Variants in GASK1A observed in about 807,000 individuals in gnomAD.
GASK1A encodes golgi associated kinase 1A, also known as Golgi-associated kinase 1A.
A neutral mutation model predicts 41.2 loss-of-function variants in GASK1A; 40 were observed. The ratio of observed to expected loss-of-function variants is 0.97; its 90% CI spans 0.75 to 1.27. GASK1A has a LOEUF of 1.27. GASK1A is among the 50% of genes most tolerant of loss of function. The pLI is 0.00. For synonymous variants in GASK1A, 316 were observed against 307.1 expected (o/e 1.03, Z -0.30); for missense variants, 678 against 745.1 (o/e 0.91, Z 1.05).
In GASK1A at chr3:43,033,349, C is replaced by G; in HGVS notation, c.1086C>G (p.Asp362Glu). ...HSPLLPYRYT[D>E]GGARPVIWWA... ...CCCTCCTGCCCTACCGATACACAGA[C>G]GGTGGAGCAAGGCCTGTCATCTGGT... is the stretch of plus-strand genomic sequence containing the variant. The change falls in exon 2 of 5, where the codon GAC becomes GAG. Residue 362 changes from aspartate to glutamate, a missense_variant. Asp to Glu is a conservative substitution (Grantham distance 45). Transcript: ENST00000430121. The G allele has an allele frequency of 6.4e-7, 1 of 1,551,336 alleles. No individual in the cohort carries two copies. Among genetic ancestry groups the G allele is most frequent in the South Asian group, 1.2e-5 (1 of 84,040 alleles).
At chr3:43,047,014 A>C (rs2089667183) in intron 2 of GASK1A, among the ~76,000 whole-genome samples, 1 of 152,250 alleles carries the variant, frequency 6.6e-6, no homozygotes, top group Non-Finnish European at 1.5e-5. Flanking sequence ...AAGTCTGCTG[A>C]AGGGGTGGAA....
At chr3:42,979,695 G>T (rs1057026525) in intron 1 of GASK1A, 50 bp downstream of exon 1, 1 of 1,245,320 alleles carries the variant, frequency 8.0e-7, no homozygotes, top group Non-Finnish European at 1.0e-6. Context: ...GCGATCACCA[G>T]GACAGGTGGC....
rs184458459 is a variant in GASK1A, at chr3:43,034,753, C to T, written c.1290+1200C>T. Among the ~76,000 whole-genome samples the T allele has an allele frequency of 1.4e-3, 212 of 152,272 alleles. 2 individuals carry two copies. The highest frequency in any genetic ancestry group is 4.4e-4 in the Non-Finnish European group (30 of 68,012). On this transcript the variant is annotated intron_variant, in intron 2 of 4. Coordinates refer to ENST00000430121, the MANE Select transcript of GASK1A (RefSeq NM_001129908.3). ...GAGATTTACCATAAAAACCCAGCTT[C>T]CCTTGAAAAATTGGATGGTTTAGTA... is the stretch of plus-strand genomic sequence containing the variant.
chr3:43,016,353 A>T (rs963810154), intron 1 of GASK1A, among the ~76,000 whole-genome samples: 12 of 152,090 alleles, frequency 7.9e-5, no homozygotes, highest in Admixed American at 4.6e-4. Context: ...AGCCACAGGC[A>T]GAGGCAGTGT....
Position 43,033,122 on chromosome 3 carries a change from G to A in GASK1A, c.859G>A (p.Gly287Arg), listed in dbSNP as rs1310308061. The A allele has an allele frequency of 1.9e-6, 3 of 1,551,120 alleles. No individual in the cohort carries two copies. In the Admixed American group the frequency reaches 5.9e-5, roughly 30 times the overall value. ...GGACAAAGCCAGGGTCCCCGCCCAT[G>A]GGCAGGTGCTACAGGTTGGCTTCTC... ...VVDKARVPAH[G>R]QVLQVGFSTE... Residue 287 changes from glycine to arginine, a missense_variant, in exon 2 of 5, where the codon GGG becomes AGG. Coordinates refer to ENST00000430121, the MANE Select transcript of GASK1A (RefSeq NM_001129908.3).
intron 1 of GASK1A, among the ~76,000 whole-genome samples, chr3:42,996,212 C>G (rs907527650): frequency 3.9e-5 from 6 of 152,228 alleles, no homozygotes; most frequent in African/African-American, 1.4e-4. Context: ...GAGTTGATCC[C>G]ATGGGCGTTG....
At chr3:43,056,049 C>T (rs2089714185) in intron 4 of GASK1A, 127 bp from the exon 5 acceptor site, 5 of 726,546 alleles carry the variant, frequency 6.9e-6, no homozygotes, top group South Asian at 1.9e-5. Flanking sequence ...GGGAGTTTGC[C>T]AGGTGACTTT....
At chr3:43,048,095 A>G (rs958892679) in intron 2 of GASK1A, among the ~76,000 whole-genome samples, 3 of 152,216 alleles carry the variant, frequency 2.0e-5, no homozygotes, top group Non-Finnish European at 4.4e-5. Flanking sequence ...TGCAAAGTCT[A>G]CTGAGGGCCT....
intron 1 of GASK1A, among the ~76,000 whole-genome samples, chr3:43,017,423 G>A (rs564330761): frequency 4.0e-5 from 6 of 150,346 alleles, no homozygotes; most frequent in African/African-American, 4.9e-5. Context: ...GAAGTCATAG[G>A]AAGGGGCTGT....
At chr3:42,992,271 G>C (rs1248253098) in intron 1 of GASK1A, among the ~76,000 whole-genome samples, 1 of 151,064 alleles carries the variant, frequency 6.6e-6, no homozygotes, top group Non-Finnish European at 1.5e-5. Flanking sequence ...GGTTCAGAGG[G>C]TGAGTTGTAA....
At position 43,032,439 on chromosome 3, in the gene GASK1A, A is replaced by C; in HGVS notation, c.176A>C (p.His59Pro). The C allele has an allele frequency of 6.4e-7, 1 of 1,551,064 alleles. No homozygotes were observed. Among genetic ancestry groups the C allele is most frequent in the Non-Finnish European group, 8.7e-7 (1 of 1,146,540 alleles). The change falls in exon 2 of 5, where the codon CAT becomes CCT. Residue 59 changes from histidine to proline, a missense_variant. Physicochemically the swap from His to Pro is moderately conservative, Grantham distance 77 (BLOSUM62 -2). Transcript: ENST00000430121. ...GGGGTAACTGGCGCCCCTGCAACCC[A>C]TATCCGGCAGGCTTTGAGCTCCAGC... Reference protein sequence around the residue: ...PQGVTGAPATHIRQALSSSRR... With the variant: ...PQGVTGAPATPIRQALSSSRR...
chr3:43,023,008 T>C (rs2089529659), intron 1 of GASK1A, among the ~76,000 whole-genome samples: 1 of 152,200 alleles, frequency 6.6e-6, no homozygotes, highest in South Asian at 2.1e-4. Context: ...CTGAAAATAA[T>C]TACCATGTGT....
intron 1 of GASK1A, among the ~76,000 whole-genome samples, chr3:43,007,405 C>T (rs1245834276): frequency 6.6e-6 from 1 of 152,230 alleles, no homozygotes; most frequent in East Asian, 1.9e-4. Context: ...AACTTTCAGT[C>T]TTCTGCTGGG....
At chr3:43,027,219 C>T (rs191975651) in intron 1 of GASK1A, among the ~76,000 whole-genome samples, 1 of 152,100 alleles carries the variant, frequency 6.6e-6, no homozygotes, top group South Asian at 2.1e-4. Context: ...TTCAGTCAAC[C>T]AAGAAATAAT....
chr3:43,006,298 C>A (rs143168833), intron 1 of GASK1A, among the ~76,000 whole-genome samples: 1 of 152,074 alleles, frequency 6.6e-6, no homozygotes, highest in African/African-American at 2.4e-5. Flanking sequence ...ATCTTTGTTT[C>A]CTGCATCCCA....
At chr3:42,988,565 C>T (rs2089324183) in intron 1 of GASK1A, among the ~76,000 whole-genome samples, 1 of 152,232 alleles carries the variant, frequency 6.6e-6, no homozygotes, top group East Asian at 1.9e-4. Context: ...GAGAGTAAGG[C>T]ACAGAGACAA....
At chr3:43,018,238 T>G (rs1438296408) in intron 1 of GASK1A, among the ~76,000 whole-genome samples, 1 of 152,214 alleles carries the variant, frequency 6.6e-6, no homozygotes, top group Non-Finnish European at 1.5e-5. Flanking sequence ...ATTGGAAAAT[T>G]TAAATCTTGC....
intron 1 of GASK1A, among the ~76,000 whole-genome samples, chr3:43,005,080 C>T (rs2089429175): frequency 6.6e-6 from 1 of 152,212 alleles, no homozygotes; most frequent in Non-Finnish European, 1.5e-5. Context: ...CCCTCTGTTT[C>T]AGTCATCACA....
At chr3:43,040,643 G>A (rs893572963) in intron 2 of GASK1A, among the ~76,000 whole-genome samples, 1 of 152,000 alleles carries the variant, frequency 6.6e-6, no homozygotes, top group African/African-American at 2.4e-5. Flanking sequence ...TTCTTCAGCT[G>A]GGTCTTCACT....
Sources: allele counts gnomAD v4.1 joint callset (sites outside exome capture counted in the v4.1 genomes callset), GRCh38; gene constraint gnomAD v4.1.1; transcripts MANE v1.5; gene names NCBI Gene and HGNC (gene_info 2026-07-23, HGNC 2026-07-21).